The following ZNF385B variants were observed in gnomAD, a reference collection of about 807,000 sequenced individuals.
ZNF385B encodes the protein zinc finger protein 533.
Under a neutral mutation model 39.2 loss-of-function variants are expected in ZNF385B, and 23 were observed. The ratio of observed to expected loss-of-function variants is 0.59; its 90% CI spans 0.42 to 0.83. ZNF385B has a LOEUF of 0.83. Among genes scored for constraint, ZNF385B ranks in the 40% least tolerant of loss-of-function variants. The probability of loss-of-function intolerance (pLI) is 0.00; values close to 1 mark genes in which losing one functional copy is unlikely to be tolerated. For missense variants in ZNF385B, 552 were observed against 598.9 expected, an observed-to-expected ratio of 0.92 and a Z score of 0.82; for synonymous variants, 205 against 222.6, an observed-to-expected ratio of 0.92 and a Z score of 0.70.
At chr2:179,444,191 C>A (rs1185314054) in intron 9 of ZNF385B, among the ~76,000 whole-genome samples, 1 of 152,212 alleles carries the variant, frequency 6.6e-6, no homozygotes, top group Non-Finnish European at 1.5e-5. Context: ...CAGACAGAGG[C>A]TTTGGAGAAG....
intron 3 of ZNF385B, among the ~76,000 whole-genome samples, chr2:179,692,881 C>T (rs781170053): frequency 6.6e-6 from 1 of 152,136 alleles, no homozygotes; most frequent in African/African-American, 2.4e-5. Flanking sequence ...CCTCCTCCTG[C>T]AGCAGGCCCT....
At chr2:179,447,278 T>A (rs527497721) in intron 6 of ZNF385B, among the ~76,000 whole-genome samples, 1 of 152,354 alleles carries the variant, frequency 6.6e-6, no homozygotes, top group Admixed American at 6.5e-5. Context: ...ATTTTGATTA[T>A]GATTAGTTAA....
chr2:179,766,942 C>CT (rs201282340), intron 3 of ZNF385B, among the ~76,000 whole-genome samples: 7,471 of 152,240 alleles, frequency 0.049, 259 homozygotes, highest in Middle Eastern at 0.099. Flanking sequence ...AAAAGCCCCC[C>CT]GCAGTCCACT....
At chr2:179,831,038 CT>C (rs1472376855) in intron 1 of ZNF385B, among the ~76,000 whole-genome samples, 1 of 151,990 alleles carries the variant, frequency 6.6e-6, no homozygotes. Flanking sequence ...AAGTCTATTA[CT>C]TTTATTTTTT....
chr2:179,807,926 G>GAAAGAAAC (rs1299173487), intron 1 of ZNF385B, among the ~76,000 whole-genome samples: 9 of 149,458 alleles, frequency 6.0e-5, no homozygotes, highest in African/African-American at 2.2e-4. Flanking sequence ...AAGAAAGAAA[G>GAAAGAAAC]AAAGAAGGAA....
At position 179,551,266 on chromosome 2, in the gene ZNF385B, A is replaced by G. The variant is rs547059093; in HGVS notation, c.299-6297T>C. Reference sequence around the variant, plus strand: ...ATGAAATACACATATATAAGCAGGCATACTCCAAAAATTTAACAGGAATAA... The same window carrying G: ...ATGAAATACACATATATAAGCAGGCGTACTCCAAAAATTTAACAGGAATAA... On this transcript the variant is annotated intron_variant, in intron 3 of 9. Coordinates refer to ENST00000410066, the MANE Select transcript of ZNF385B (RefSeq NM_152520.6). Among the ~76,000 whole-genome samples, 60 of 152,280 alleles carry G rather than the reference A, an allele frequency of 3.9e-4. 1 individual carries two copies. The South Asian group carries it at 8.9e-3, about 23-fold the overall frequency.
intron 4 of ZNF385B, among the ~76,000 whole-genome samples, chr2:179,543,706 AAAG>A (rs2060061785): frequency 6.6e-6 from 1 of 152,072 alleles, no homozygotes; most frequent in Non-Finnish European, 1.5e-5. Flanking sequence ...TGAAAAGCTC[AAAG>A]AAGACAAAAA....
chr2:179,636,989 T>C (rs113488521), intron 3 of ZNF385B, among the ~76,000 whole-genome samples: 2 of 152,206 alleles, frequency 1.3e-5, no homozygotes, highest in African/African-American at 4.8e-5. Flanking sequence ...CTAGCCACTC[T>C]TGGCTGAAAC....
intron 3 of ZNF385B, among the ~76,000 whole-genome samples, chr2:179,733,064 T>A (rs1701499104): frequency 6.6e-6 from 1 of 152,202 alleles, no homozygotes; most frequent in African/African-American, 2.4e-5. Flanking sequence ...GATGACTATG[T>A]ACAATCATGA....
chr2:179,548,590 A>C lies in ZNF385B; in HGVS notation c.299-3621T>G, dbSNP rs185535904. On this transcript the variant is annotated intron_variant, in intron 3 of 9. Transcript: ENST00000410066. The stretch of plus-strand genomic sequence containing the variant: ...GAGACTGTGTAATTTATAAAGAAAA[A>C]GAGGTTTAATGGACTCACAGTTCTA... Among the ~76,000 whole-genome samples, 249 of 149,646 alleles carry C rather than the reference A, an allele frequency of 1.7e-3. 29 individuals carry two copies. Among genetic ancestry groups the C allele is most frequent in the African/African-American group, 6.0e-3 (239 of 39,784 alleles).
intron 3 of ZNF385B, among the ~76,000 whole-genome samples, chr2:179,623,938 T>C (rs1690441159): frequency 6.6e-6 from 1 of 152,226 alleles, no homozygotes; most frequent in South Asian, 2.1e-4. Context: ...GAATATCCTA[T>C]GTTTCCTTCT....
chr2:179,521,706 T>G (rs1369459464), intron 4 of ZNF385B, among the ~76,000 whole-genome samples: 1 of 152,168 alleles, frequency 6.6e-6, no homozygotes, highest in Non-Finnish European at 1.5e-5. Flanking sequence ...CTCCTCAGAA[T>G]TGGCTCCTCC....
At chr2:179,481,729 A>G (rs1410135737) in intron 6 of ZNF385B, among the ~76,000 whole-genome samples, 1 of 152,204 alleles carries the variant, frequency 6.6e-6, no homozygotes, top group Non-Finnish European at 1.5e-5. Context: ...TTTAGATAAC[A>G]AAACCTTTTG....
At chr2:179,722,631 T>C (rs1384848306) in intron 3 of ZNF385B, among the ~76,000 whole-genome samples, 1 of 152,152 alleles carries the variant, frequency 6.6e-6, no homozygotes, top group Non-Finnish European at 1.5e-5. Flanking sequence ...TGTAGATTAA[T>C]ATATTTGGGA....
At chr2:179,575,007 C>T (rs1685651897) in intron 3 of ZNF385B, among the ~76,000 whole-genome samples, 1 of 152,106 alleles carries the variant, frequency 6.6e-6, no homozygotes, top group Admixed American at 6.6e-5. Context: ...TGCTCAGGTA[C>T]CAACATCGGT....
At chr2:179,668,911 AG>A (rs1275039619) in intron 3 of ZNF385B, among the ~76,000 whole-genome samples, 1 of 152,210 alleles carries the variant, frequency 6.6e-6, no homozygotes, top group Non-Finnish European at 1.5e-5. Flanking sequence ...GGCAGTTAAA[AG>A]GGGAAATATT....
chr2:179,606,071 G>C lies in ZNF385B; in HGVS notation c.299-61102C>G, dbSNP rs577594500. ...TATTTTTGTAATAGCATAGGAAGTA[G>C]AAGTAGTAGCTGGCAGTCAAAAAAT... On this transcript the variant is annotated intron_variant, in intron 3 of 9. Coordinates refer to ENST00000410066, the MANE Select transcript of ZNF385B (RefSeq NM_152520.6). 2.0e-5 allele frequency among the ~76,000 whole-genome samples: 3 copies of C among 152,232 alleles called. No individual in the cohort carries two copies. In the East Asian group the frequency reaches 5.8e-4, roughly 29 times the overall value.
Position 179,464,669 on chromosome 2 carries a change from G to A in ZNF385B, c.716-17899C>T, listed in dbSNP as rs566488381. On this transcript the variant is annotated intron_variant, in intron 6 of 9. Transcript: ENST00000410066. ...GATCAGATAGTTGTAGATGTGTGGT[G>A]TTATTTCTGAGGCCTCTGTTCTGTT... 2.6e-5 allele frequency among the ~76,000 whole-genome samples: 4 copies of A among 152,144 alleles called. No homozygotes were observed. The South Asian group carries it at 8.3e-4, about 32-fold the overall frequency.
At chr2:179,539,463 T>C in intron 4 of ZNF385B, among the ~76,000 whole-genome samples, 1 of 152,350 alleles carries the variant, frequency 6.6e-6, no homozygotes, top group East Asian at 1.9e-4. Context: ...GTCTTATAAA[T>C]GTACTTACTT....
Sources: allele counts gnomAD v4.1 joint callset (sites outside exome capture counted in the v4.1 genomes callset), GRCh38; gene constraint gnomAD v4.1.1; transcripts MANE v1.5; gene names NCBI Gene and HGNC (gene_info 2026-07-23, HGNC 2026-07-21).